SGMS2: variants seen among roughly 807,000 people sequenced by gnomAD.
The protein encoded by SGMS2 is sphingomyelin synthase 2.
SGMS2 carries 21 observed loss-of-function variants against 43.8 expected under a neutral mutation model. The observed-to-expected ratio is 0.48, with a 90% CI of 0.34 to 0.69. The LOEUF (loss-of-function observed/expected upper bound fraction) is 0.69. Among genes scored for constraint, SGMS2 ranks in the 30% least tolerant of loss-of-function variants. The pLI is 0.01. For synonymous variants in SGMS2, 167 were observed against 160.6 expected (o/e 1.04, Z -0.30); for missense variants, 384 against 443.2 (o/e 0.87, Z 1.20).
At chr4:107,909,380 G>GT (rs1731914883) in intron 6 of SGMS2, among the ~76,000 whole-genome samples, 5 of 152,222 alleles carry the variant, frequency 3.3e-5, no homozygotes, top group African/African-American at 9.6e-5. Context: ...CAAAGTGCCA[G>GT]GATTATAGGC....
At chr4:107,851,369 A>G (rs776435570) in intron 1 of SGMS2, among the ~76,000 whole-genome samples, 2 of 152,212 alleles carry the variant, frequency 1.3e-5, no homozygotes, top group Admixed American at 1.3e-4. Flanking sequence ...CAAGGACAAC[A>G]ACAGATTAGG....
At chr4:107,875,507 C>T (rs958778509) in intron 2 of SGMS2, among the ~76,000 whole-genome samples, 11 of 152,138 alleles carry the variant, frequency 7.2e-5, no homozygotes, top group Non-Finnish European at 8.8e-5. Context: ...GCCCACCTAC[C>T]GAAGGGTGGA....
At chr4:107,880,957 A>G (rs1053054951) in intron 2 of SGMS2, among the ~76,000 whole-genome samples, 2 of 152,102 alleles carry the variant, frequency 1.3e-5, no homozygotes, top group East Asian at 3.9e-4. Flanking sequence ...GCTAAACTGA[A>G]TGCTGTTAAC....
At chr4:107,903,115 A>G in intron 4 of SGMS2, 118 bp from the exon 5 acceptor site, 2 of 929,494 alleles carry the variant, frequency 2.2e-6, no homozygotes, top group Non-Finnish European at 3.4e-6. Flanking sequence ...TTGACTTTCT[A>G]GGTTAAAAAG....
In SGMS2 at chr4:107,895,952, A is replaced by C; in HGVS notation, c.399A>C (p.Ile133=). 1 of 1,614,006 alleles carries C rather than the reference A, an allele frequency of 6.2e-7. No homozygotes were observed. The highest frequency in any genetic ancestry group is 8.5e-7 in the Non-Finnish European group (1 of 1,179,928). ...RVKWAFSVSE[I]NGIILVGLWI... ...AATGGGCATTTTCTGTATCAGAAAT[A>C]AATGGGATTATATTAGTTGGATTAT... is the stretch of plus-strand genomic sequence containing the variant. The change falls in exon 3 of 7, where the codon ATA becomes ATC. Residue 133 remains isoleucine, a synonymous_variant. Coordinates refer to ENST00000690982, the MANE Select transcript of SGMS2 (RefSeq NM_001375905.1).
intron 2 of SGMS2, among the ~76,000 whole-genome samples, chr4:107,876,481 T>C (rs542456141): frequency 2.8e-4 from 43 of 152,340 alleles, no homozygotes; most frequent in Non-Finnish European, 5.6e-4. Context: ...GTAATATCTC[T>C]TCCATTGCAC....
intron 2 of SGMS2, among the ~76,000 whole-genome samples, chr4:107,865,833 A>T (rs1728072214): frequency 6.6e-6 from 1 of 152,146 alleles, no homozygotes; most frequent in Non-Finnish European, 1.5e-5. Flanking sequence ...TGTTCCATTC[A>T]GATGCCTTAA....
chr4:107,895,200 T>C (rs1367694072), intron 2 of SGMS2, 110 bp from the exon 3 acceptor site: 1 of 206,528 alleles, frequency 4.8e-6, no homozygotes, highest in African/African-American at 2.3e-5. Flanking sequence ...GTTACATTTA[T>C]AAAGCAAATG....
chr4:107,900,196 CCTT>C (rs1731004094), intron 4 of SGMS2, among the ~76,000 whole-genome samples: 1 of 151,874 alleles, frequency 6.6e-6, no homozygotes, highest in South Asian at 2.1e-4. Context: ...GTCAGGAAAG[CCTT>C]CTTTAATAAC....
At chr4:107,839,476 T>C (rs1160231709) in intron 1 of SGMS2, among the ~76,000 whole-genome samples, 2 of 152,086 alleles carry the variant, frequency 1.3e-5, no homozygotes, top group African/African-American at 4.8e-5. Flanking sequence ...TGTGGAGATA[T>C]TAAGTGTATT....
At chr4:107,871,325 T>C (rs1019743990) in intron 2 of SGMS2, among the ~76,000 whole-genome samples, 7 of 152,318 alleles carry the variant, frequency 4.6e-5, no homozygotes, top group Non-Finnish European at 1.0e-4. Flanking sequence ...CCCATTTTAT[T>C]TCTGTCATTT....
chr4:107,848,948 A>G (rs1473066448), intron 1 of SGMS2, among the ~76,000 whole-genome samples: 2 of 152,130 alleles, frequency 1.3e-5, no homozygotes, highest in Non-Finnish European at 2.9e-5. Flanking sequence ...TTGGTGTTAC[A>G]TCTAACAACC....
intron 2 of SGMS2, among the ~76,000 whole-genome samples, chr4:107,894,038 G>A (rs1730460795): frequency 6.6e-6 from 1 of 152,080 alleles, no homozygotes; most frequent in Non-Finnish European, 1.5e-5. Context: ...AAACACTTGT[G>A]GTTTATCTAT....
At chr4:107,899,021 T>G (rs1477900342) in intron 3 of SGMS2, among the ~76,000 whole-genome samples, 1 of 152,190 alleles carries the variant, frequency 6.6e-6, no homozygotes, top group East Asian at 1.9e-4. Context: ...TTCATGCCCG[T>G]ATTGTCAAAA....
intron 2 of SGMS2, chr4:107,894,551 A>G (rs1167875160): frequency 6.6e-6 from 1 of 152,180 alleles, no homozygotes; most frequent in Non-Finnish European, 1.5e-5. Context: ...CTGAATCAAA[A>G]TATTGTTAGT....
At chr4:107,837,369 G>T (rs1726245401) in intron 1 of SGMS2, among the ~76,000 whole-genome samples, 1 of 152,162 alleles carries the variant, frequency 6.6e-6, no homozygotes, top group South Asian at 2.1e-4. Flanking sequence ...TGTCAGAAGA[G>T]GTCAGATTTA....
At chr4:107,910,201 G>C (rs1414473447) in intron 6 of SGMS2, 149 bp from the exon 7 acceptor site, 1 of 681,050 alleles carries the variant, frequency 1.5e-6, no homozygotes, top group Admixed American at 2.8e-5. Context: ...AGTCATGGTA[G>C]AGTTAGGGAA....
chr4:107,840,297 C>T (rs1280622219), intron 1 of SGMS2, among the ~76,000 whole-genome samples: 2 of 152,168 alleles, frequency 1.3e-5, no homozygotes, highest in Admixed American at 1.3e-4. Context: ...AGATTCACTG[C>T]ACTGTAGTAA....
At position 107,886,364 on chromosome 4, in the gene SGMS2, A is replaced by ATT. The variant is rs67228519; in HGVS notation, c.-244-8917_-244-8916dup. On this transcript the variant is annotated intron_variant, in intron 2 of 6. Coordinates refer to ENST00000690982, the MANE Select transcript of SGMS2 (RefSeq NM_001375905.1). ...ACAGGTGCACCACCACACCCAGCTA[A>ATT]TTTTTTTTTTTTTTTTTTTTTTTTT... Among the ~76,000 whole-genome samples the ATT allele has an allele frequency of 1.4e-3, 146 of 106,242 alleles. 1 individual carries two copies. The highest frequency in any genetic ancestry group is 1.6e-3 in the Admixed American group (15 of 9,418). 69.7% of individuals were successfully genotyped at this position (106,242 alleles called of 152,430 possible).
Sources: gnomAD v4.1 joint callset for allele counts (sites outside exome capture counted in the v4.1 genomes callset) on GRCh38, gnomAD v4.1.1 for gene constraint, MANE v1.5 for transcripts, NCBI Gene and HGNC (gene_info 2026-07-23, HGNC 2026-07-21) for gene names.